The following GALNT17 variants were observed in gnomAD, a reference collection of about 807,000 sequenced individuals.
GALNT17 encodes UDP-GalNAc:polypeptide N-acetylgalactosaminyltransferase-like 3.
A neutral mutation model predicts 63.7 loss-of-function variants in GALNT17; 29 were observed. The observed-to-expected ratio is 0.46, with a 90% CI of 0.34 to 0.62. The LOEUF (loss-of-function observed/expected upper bound fraction) is 0.62. GALNT17 is among the 20% of genes least tolerant of loss of function. GALNT17 has a pLI of 0.01. For synonymous variants in GALNT17, 305 were observed against 318.3 expected (o/e 0.96, Z 0.45); for missense variants, 603 against 799.6 (o/e 0.75, Z 2.97).
intron 1 of GALNT17, among the ~76,000 whole-genome samples, chr7:71,249,392 C>G (rs1008193476): frequency 6.6e-6 from 1 of 152,102 alleles, no homozygotes; most frequent in African/African-American, 2.4e-5. Flanking sequence ...GGATTGCATA[C>G]CCCTATTGGT....
intron 2 of GALNT17, 141 bp from the exon 3 acceptor site, chr7:71,388,094 G>A: frequency 1.2e-6 from 1 of 819,776 alleles, no homozygotes; most frequent in Non-Finnish European, 1.9e-6. Context: ...TCTTAGCCAA[G>A]GAGAAGCCTA....
intron 5 of GALNT17, among the ~76,000 whole-genome samples, chr7:71,530,546 ATTTATTTAT>A (rs997042517): frequency 2.1e-4 from 6 of 28,696 alleles, no homozygotes; most frequent in African/African-American, 5.8e-4. Flanking sequence ...GAATTTATTT[ATTTATTTAT>A]TTATTTATTT....
At chr7:71,645,466 C>G (rs1790661629) in intron 6 of GALNT17, among the ~76,000 whole-genome samples, 1 of 152,156 alleles carries the variant, frequency 6.6e-6, no homozygotes, top group Admixed American at 6.6e-5. Context: ...TGAAGAAGTG[C>G]CTGCTTCCCT....
chr7:71,701,828 CACAT>C (rs1383370046), intron 9 of GALNT17, among the ~76,000 whole-genome samples: 7 of 9,904 alleles, frequency 7.1e-4, no homozygotes, highest in Non-Finnish European at 1.7e-3. Context: ...CATATATATA[CACAT>C]ATATATATGT....
intron 5 of GALNT17, among the ~76,000 whole-genome samples, chr7:71,460,067 C>T (rs1787425490): frequency 6.6e-6 from 1 of 152,112 alleles, no homozygotes; most frequent in Admixed American, 6.5e-5. Context: ...CTCATGCCTC[C>T]CTAAAATATA....
intron 1 of GALNT17, among the ~76,000 whole-genome samples, chr7:71,217,140 G>GTTTTTTTTTTTTTTTTT (rs200574411): frequency 3.2e-5 from 3 of 95,216 alleles, no homozygotes; most frequent in African/African-American, 4.3e-5. Flanking sequence ...ATTTTTTCGT[G>GTTTTTTTTTTTTTTTTT]TTTTGTTTTT....
intron 6 of GALNT17, among the ~76,000 whole-genome samples, chr7:71,600,984 T>C (rs1214125622): frequency 2.0e-5 from 3 of 152,038 alleles, no homozygotes; most frequent in Non-Finnish European, 4.4e-5. Flanking sequence ...AGAGCTTAGC[T>C]CCCACGTATC....
intron 9 of GALNT17, among the ~76,000 whole-genome samples, chr7:71,707,013 G>A (rs886426402): frequency 6.6e-5 from 10 of 152,180 alleles, no homozygotes; most frequent in African/African-American, 2.4e-4. Context: ...AAAGAAAGCG[G>A]CCAGCACCCA....
At chr7:71,389,790 G>A (rs1793016585) in intron 3 of GALNT17, among the ~76,000 whole-genome samples, 1 of 152,048 alleles carries the variant, frequency 6.6e-6, no homozygotes, top group Non-Finnish European at 1.5e-5. Context: ...TTCTCCTCTG[G>A]GCCACTGTGC....
intron 1 of GALNT17, among the ~76,000 whole-genome samples, chr7:71,207,281 T>A (rs945852214): frequency 4.3e-4 from 65 of 152,214 alleles, no homozygotes; most frequent in Non-Finnish European, 2.9e-5. Flanking sequence ...CTTCTCATCT[T>A]TGACTTGTAA....
At chr7:71,679,324 G>A (rs1451987787) in intron 9 of GALNT17, among the ~76,000 whole-genome samples, 1 of 152,092 alleles carries the variant, frequency 6.6e-6, no homozygotes, top group Non-Finnish European at 1.5e-5. Flanking sequence ...CTTGAACCCA[G>A]GACTTCAAGG....
rs1584089537 is a variant in GALNT17, at chr7:71,612,702, G to A, written c.1080+41300G>A. Among the ~76,000 whole-genome samples, 7 of 152,272 alleles carry A rather than the reference G, an allele frequency of 4.6e-5. No individual in the cohort carries two copies. In the South Asian group the frequency reaches 1.5e-3, roughly 32 times the overall value. On this transcript the variant is annotated intron_variant, in intron 6 of 10. Transcript: ENST00000333538. ...CCGATTCCTGCAATTGTTTCCCTTT[G>A]GAAAGGAAAGGACATTTTGGTCTGT...
At chr7:71,144,920 G>A (rs927200929) in intron 1 of GALNT17, among the ~76,000 whole-genome samples, 2 of 152,108 alleles carry the variant, frequency 1.3e-5, no homozygotes, top group Non-Finnish European at 2.9e-5. Flanking sequence ...AGTAGAGATG[G>A]GGTTTCACCA....
intron 5 of GALNT17, among the ~76,000 whole-genome samples, chr7:71,560,272 AG>A (rs1270639921): frequency 2.0e-5 from 3 of 151,438 alleles, no homozygotes; most frequent in Non-Finnish European, 4.4e-5. Context: ...TGCCCAGTAA[AG>A]GGTGCTGTTG....
chr7:71,560,020 C>T (rs1481124223), intron 5 of GALNT17, among the ~76,000 whole-genome samples: 1 of 151,526 alleles, frequency 6.6e-6, no homozygotes, highest in Non-Finnish European at 1.5e-5. Context: ...ATGGTGAAAC[C>T]TCATCTCTAC....
At chr7:71,370,729 A>C (rs1309301965) in intron 2 of GALNT17, among the ~76,000 whole-genome samples, 4 of 151,914 alleles carry the variant, frequency 2.6e-5, no homozygotes, top group Non-Finnish European at 5.9e-5. Context: ...CAGCCTCCCA[A>C]AGTGCTGGGA....
At chr7:71,420,886 T>C (rs910157454) in intron 4 of GALNT17, 22 bp from the exon 5 acceptor site, 1 of 1,562,516 alleles carries the variant, frequency 6.4e-7, no homozygotes, top group African/African-American at 1.4e-5. Flanking sequence ...AGAGGTTTCA[T>C]GTCTATTTCT....
At chr7:71,632,111 A>G (rs1163142280) in intron 6 of GALNT17, among the ~76,000 whole-genome samples, 2 of 151,300 alleles carry the variant, frequency 1.3e-5, no homozygotes, top group Non-Finnish European at 2.9e-5. Flanking sequence ...AAAAGAAAAA[A>G]GACTGGGGCT....
intron 5 of GALNT17, among the ~76,000 whole-genome samples, chr7:71,523,744 A>AAAAT (rs55683413): frequency 0.48 from 66,274 of 137,284 alleles, 16,384 homozygotes; most frequent in Non-Finnish European, 0.55. Context: ...CCTGTCTCAA[A>AAAAT]AAATAAATAA....
Sources: gnomAD v4.1 joint callset for allele counts (sites outside exome capture counted in the v4.1 genomes callset) on GRCh38, gnomAD v4.1.1 for gene constraint, MANE v1.5 for transcripts, NCBI Gene and HGNC (gene_info 2026-07-23, HGNC 2026-07-21) for gene names.